The following SNRNP200 variants were observed in gnomAD, a reference collection of about 807,000 sequenced individuals.
SNRNP200 encodes U5 small nuclear ribonucleoprotein 200 kDa helicase.
SNRNP200 carries 66 observed loss-of-function variants against 255.2 expected under a neutral mutation model. That is an observed-to-expected ratio of 0.26 (90% CI 0.21 to 0.32). The LOEUF is 0.32. Ranked by LOEUF, SNRNP200 falls within the 10% of genes least tolerant of loss-of-function variation. The pLI is 1.00. For missense variants in SNRNP200, 1,585 were observed against 2,749.8 expected (o/e 0.58, Z 9.47); for synonymous variants, 939 against 1,027.8 (o/e 0.91, Z 1.65).
Position 96,283,587 on chromosome 2 carries a change from G to T in SNRNP200, c.4711C>A (p.Leu1571Ile), listed in dbSNP as rs2063821840. 1 of 1,614,132 alleles carries T rather than the reference G, an allele frequency of 6.2e-7. No homozygotes were observed. Among genetic ancestry groups the T allele is most frequent in the Non-Finnish European group, 8.5e-7 (1 of 1,180,042 alleles). ...GTGGTGAGGATGTCAATGGCAGTGA[G>T]GCGGGTCTGCTTGCGAGACGGCACA... Reference protein sequence around the residue: ...VFVPSRKQTRLTAIDILTTCA... With the variant: ...VFVPSRKQTRITAIDILTTCA... The change falls in exon 33 of 45, where the codon CTC becomes ATC. Residue 1571 changes from leucine (L) to isoleucine (I), a missense_variant. Around this residue, in one of 9 missense-constraint regions of SNRNP200, gnomAD observed 719 missense variants for 1,091.1 expected, o/e 0.66. Transcript: ENST00000323853. This position sits in a 1 kb window ranked among gnomAD's most constrained non-coding sequence, Gnocchi z 4.7.
intron 3 of SNRNP200, 50 bp downstream of exon 3, chr2:96,303,109 C>T (rs944382146): frequency 6.3e-7 from 1 of 1,586,866 alleles, no homozygotes; most frequent in Admixed American, 1.7e-5. Context: ...AAGCTGTATG[C>T]CAGAAAATGA....
intron 13 of SNRNP200, 151 bp downstream of exon 13, chr2:96,296,385 T>C (rs1461488660): frequency 1.3e-6 from 1 of 794,470 alleles, no homozygotes; most frequent in Non-Finnish European, 2.1e-6. Context: ...AGTTCCATCT[T>C]GGAAATGGGG....
intron 3 of SNRNP200, 68 bp from the exon 4 acceptor site, chr2:96,301,784 T>C (rs1422206875): frequency 3.2e-6 from 5 of 1,569,346 alleles, no homozygotes; most frequent in African/African-American, 2.7e-5. Context: ...ACCAGGTGTA[T>C]GTGGCGGCAG....
In SNRNP200 at chr2:96,279,514, G is replaced by A. The variant is rs773573140; in HGVS notation, c.5070C>T (p.His1690=). The A allele has an allele frequency of 1.1e-5, 18 of 1,614,038 alleles. No homozygotes were observed. Among genetic ancestry groups the A allele is most frequent in the Middle Eastern group, 1.6e-4 (1 of 6,062 alleles). Residue 1690 remains histidine (H), a synonymous_variant, in exon 36 of 45, where the codon CAC becomes CAT. Transcript: ENST00000323853. Reference sequence around the variant, plus strand: ...CATCGTCCTGCAAAGGGCGGTTGGCGTGGCCCACCATCTGAAGCACGTCAT... The same window carrying A: ...CATCGTCCTGCAAAGGGCGGTTGGCATGGCCCACCATCTGAAGCACGTCAT... ...PIYDVLQMVG[H]ANRPLQDDEG... is the part of the protein sequence containing the mutation.
chr2:96,301,033 A>G lies in SNRNP200; in HGVS notation c.595T>C (p.Tyr199His). 1 of 1,614,048 alleles carries G rather than the reference A, an allele frequency of 6.2e-7. No individual in the cohort carries two copies. Among genetic ancestry groups the G allele is most frequent in the Non-Finnish European group, 8.5e-7 (1 of 1,179,918 alleles). ...GACTCAAACTGCACATTCACACCGT[A>G]TGTCTCATCAATGTTGTCATCTGAA... The part of the protein sequence containing the change: ...QNMDDNIDET[Y>H]GVNVQFESDE... Residue 199 changes from tyrosine to histidine, a missense_variant, in exon 5 of 45, where the codon TAC (tyrosine) becomes CAC (histidine). By Grantham distance (83) the Tyr-to-His change is moderately conservative. This residue lies in a region of SNRNP200 where 383 missense variants were observed against 645.3 expected (regional missense o/e 0.59). Coordinates refer to ENST00000323853, the MANE Select transcript of SNRNP200 (RefSeq NM_014014.5).
intron 4 of SNRNP200, 108 bp downstream of exon 4, chr2:96,301,416 T>G: frequency 2.6e-6 from 3 of 1,153,542 alleles, no homozygotes; most frequent in Non-Finnish European, 2.6e-6. Flanking sequence ...GAACAGATTA[T>G]GGGAACTCAC....
intron 21 of SNRNP200, among the ~76,000 whole-genome samples, 188 bp downstream of exon 21, chr2:96,289,611 T>A (rs763771663): frequency 2.0e-5 from 3 of 152,174 alleles, no homozygotes; most frequent in Non-Finnish European, 4.4e-5. Flanking sequence ...AGTGAAATGA[T>A]GTCTGCACGG....
rs747775190 is a variant in SNRNP200, at chr2:96,276,746, GAAAA to G, written c.6174+154_6174+157del. 8 of 830,562 alleles carry G rather than the reference GAAAA, an allele frequency of 9.6e-6. No individual in the cohort carries two copies. In the African/African-American group the frequency reaches 1.3e-4, roughly 14 times the overall value. The allele number at this position is 830,562 out of a possible 1,614,324, so 51.4% of individuals were successfully genotyped here. A position where few individuals can be genotyped will look rare whatever the true frequency, so the allele number is the denominator to read the frequency against. On this transcript the variant is annotated intron_variant, in intron 43 of 44. Coordinates refer to ENST00000323853, the MANE Select transcript of SNRNP200 (RefSeq NM_014014.5). The stretch of plus-strand genomic sequence containing the variant: ...TAAACTGTTTAAGCAGAAACAAACA[GAAAA>G]AAAACCCCATAGCCTCAAGATTAAT...
chr2:96,293,561 C>G (rs895459128), intron 14 of SNRNP200, 52 bp from the exon 15 acceptor site: 21 of 1,544,126 alleles, frequency 1.4e-5, no homozygotes, highest in Non-Finnish European at 1.7e-5. Flanking sequence ...TACATAGTCC[C>G]TTTTCCTGGA....
Position 96,305,481 on chromosome 2 carries a change from C to G in SNRNP200, c.-44G>C, listed in dbSNP as rs755287483. 2 of 1,612,954 alleles carry G rather than the reference C, an allele frequency of 1.2e-6. No homozygotes were observed. Among genetic ancestry groups the G allele is most frequent in the Non-Finnish European group, 1.7e-6 (2 of 1,179,898 alleles). On this transcript the variant is annotated 5_prime_UTR_variant, in exon 1 of 45. Coordinates refer to ENST00000323853, the MANE Select transcript of SNRNP200 (RefSeq NM_014014.5). ...GCTTCAGACCACCACGCCTCCCTAC[C>G]GCAAGCTGCAAACGGCCGCAGATCT...
Position 96,297,068 on chromosome 2 carries a change from T to C in SNRNP200, c.1380A>G (p.Gln460=), listed in dbSNP as rs749913179. 2.5e-6 allele frequency: 4 copies of C among 1,614,208 alleles called. No homozygotes were observed. The East Asian group carries it at 6.7e-5, about 27-fold the overall frequency. ...LKPKPFGSEE[Q]LLPVEKLPKY... ...TTGGCAGCTTTTCCACTGGAAGCAG[T>C]TGCTAGAAGAAAAGAAGTGCCATCA... The change falls in exon 12 of 45, where the codon CAA becomes CAG. Residue 460 remains glutamine, a splice_region_variant and synonymous_variant. Coordinates refer to ENST00000323853, the MANE Select transcript of SNRNP200 (RefSeq NM_014014.5).
At chr2:96,281,439 G>C (rs1014940252) in intron 35 of SNRNP200, 1 of 312,380 alleles carries the variant, frequency 3.2e-6, no homozygotes, top group Non-Finnish European at 6.3e-6. Flanking sequence ...AAAGTGCTGG[G>C]ATTACAGGCA....
intron 24 of SNRNP200, among the ~76,000 whole-genome samples, chr2:96,288,335 GATTT>G (rs1268005252): frequency 6.6e-6 from 1 of 152,190 alleles, no homozygotes; most frequent in Non-Finnish European, 1.5e-5. Context: ...GCCATTTTTG[GATTT>G]ATTTATGAGC....
At position 96,289,359 on chromosome 2, in the gene SNRNP200, T is replaced by C; in HGVS notation, c.2961A>G (p.Ile987Met). Residue 987 changes from isoleucine (I) to methionine (M), a missense_variant, in exon 22 of 45, where the codon ATA (isoleucine) becomes ATG (methionine). Around this residue, in one of 9 missense-constraint regions of SNRNP200, gnomAD observed 719 missense variants for 1,091.1 expected, o/e 0.66. Transcript: ENST00000323853. Reference protein sequence around the residue: ...GNFQVTELGRIASHYYITNDT... With the variant: ...GNFQVTELGRMASHYYITNDT... Reference sequence around the variant, plus strand: ...CATTGGTGATGTAGTAGTGGCTGGCTATACGGCCCAGTTCTGTCACCTGGA... The same window carrying C: ...CATTGGTGATGTAGTAGTGGCTGGCCATACGGCCCAGTTCTGTCACCTGGA... 6.2e-7 allele frequency: 1 copy of C among 1,614,134 alleles called. No homozygotes were observed. The highest frequency in any genetic ancestry group is 8.5e-7 in the Non-Finnish European group (1 of 1,179,976).
chr2:96,276,745 A>C, intron 43 of SNRNP200, 159 bp downstream of exon 43: 1 of 825,168 alleles, frequency 1.2e-6, no homozygotes, highest in Non-Finnish European at 2.1e-6. Context: ...AGAAACAAAC[A>C]GAAAAAAAAC....
Position 96,297,626 on chromosome 2 carries a change from C to A in SNRNP200, c.1203+11G>T. 1.2e-6 allele frequency: 2 copies of A among 1,614,214 alleles called. No homozygotes were observed. The highest frequency in any genetic ancestry group is 1.7e-6 in the Non-Finnish European group (2 of 1,180,028). The stretch of plus-strand genomic sequence containing the variant: ...ATCAAGGCCTGGGAAATAAATCGCC[C>A]TGGATCCTACCTCTCCACCCTGGTC... On this transcript the variant is annotated intron_variant, in intron 10 of 44. Transcript: ENST00000323853.
chr2:96,278,432 T>TGTCCCCTGCA lies in SNRNP200; in HGVS notation c.5489-84_5489-75dup. On this transcript the variant is annotated intron_variant, in intron 38 of 44. Coordinates refer to ENST00000323853, the MANE Select transcript of SNRNP200 (RefSeq NM_014014.5). This position sits in a 1 kb window ranked among gnomAD's most constrained non-coding sequence, Gnocchi z 6.9. ...AGCAGAACTGCCCGGGCTCCCCTGC[T>TGTCCCCTGCA]GTCCCCTGCAGTGTCATCCCGCTGA... The TGTCCCCTGCA allele has an allele frequency of 6.2e-7, 1 of 1,611,784 alleles. No individual in the cohort carries two copies. The highest frequency in any genetic ancestry group is 8.5e-7 in the Non-Finnish European group (1 of 1,179,322).
chr2:96,279,573 C>T lies in SNRNP200; in HGVS notation c.5025-14G>A. On this transcript the variant is annotated splice_polypyrimidine_tract_variant and intron_variant, in intron 35 of 44. Coordinates refer to ENST00000323853, the MANE Select transcript of SNRNP200 (RefSeq NM_014014.5). Reference sequence around the variant, plus strand: ...TAATCCACATAGCTGGTGACAGAAGCAGGGAAAGAAGGAAAAGCCACCTCA... The same window carrying T: ...TAATCCACATAGCTGGTGACAGAAGTAGGGAAAGAAGGAAAAGCCACCTCA... 1 of 1,588,666 alleles carries T rather than the reference C, an allele frequency of 6.3e-7. No homozygotes were observed. Among genetic ancestry groups the T allele is most frequent in the South Asian group, 1.1e-5 (1 of 90,284 alleles).
In SNRNP200 at chr2:96,287,653, A is replaced by G; in HGVS notation, c.3366-96T>C. The G allele has an allele frequency of 9.8e-7, 1 of 1,019,450 alleles. No homozygotes were observed. The highest frequency in any genetic ancestry group is 1.7e-5 in the Admixed American group (1 of 59,312). The allele number at this position is 1,019,450 out of a possible 1,614,324, so 63.2% of individuals were successfully genotyped here. ...CCAATAGTTTAGCAGTGACTACACA[A>G]AACACAGTCATTAAAGGCAGACACT... On this transcript the variant is annotated intron_variant, in intron 25 of 44. Coordinates refer to ENST00000323853, the MANE Select transcript of SNRNP200 (RefSeq NM_014014.5). The surrounding 1 kb of genome is among the most constrained non-coding windows in gnomAD (Gnocchi z 5.7).
Sources: allele counts gnomAD v4.1 joint callset (sites outside exome capture counted in the v4.1 genomes callset), GRCh38; gene constraint gnomAD v4.1.1; regional missense constraint gnomAD v4.1.1; non-coding constraint Gnocchi (gnomAD v3.1); transcripts MANE v1.5; gene names NCBI Gene and HGNC (gene_info 2026-07-23, HGNC 2026-07-21).